CPQ: variants seen among roughly 807,000 people sequenced by gnomAD.
The protein encoded by CPQ is Ser-Met dipeptidase.
CPQ carries 37 observed loss-of-function variants against 45.7 expected under a neutral mutation model. The observed-to-expected ratio is 0.81, with a 90% CI of 0.62 to 1.07. CPQ has a LOEUF of 1.07. Among genes scored for constraint, CPQ ranks in the 50% least tolerant of loss-of-function variants. The pLI, the probability that CPQ is intolerant of heterozygous loss-of-function variation, is 0.00. For synonymous variants in CPQ, 186 were observed against 205.8 expected (o/e 0.90, Z 0.82); for missense variants, 537 against 572.9 (o/e 0.94, Z 0.64).
intron 4 of CPQ, among the ~76,000 whole-genome samples, chr8:96,896,404 G>C (rs1044720102): frequency 6.6e-6 from 1 of 152,004 alleles, no homozygotes; most frequent in East Asian, 1.9e-4. Flanking sequence ...CTATTTTCTA[G>C]AGTCTTTTCC....
intron 4 of CPQ, among the ~76,000 whole-genome samples, chr8:96,959,891 C>CAAAAAA (rs540520742): frequency 8.7e-5 from 7 of 80,518 alleles, no homozygotes; most frequent in East Asian, 3.3e-4. Flanking sequence ...ATCACAAAAG[C>CAAAAAA]AAAAAAAAAA....
chr8:96,745,630 G>C (rs1810169682), intron 1 of CPQ, among the ~76,000 whole-genome samples: 1 of 152,142 alleles, frequency 6.6e-6, no homozygotes, highest in Non-Finnish European at 1.5e-5. Flanking sequence ...GAAGATACTT[G>C]AAGTCAAACA....
chr8:96,966,952 T>C (rs909194899), intron 5 of CPQ, among the ~76,000 whole-genome samples: 15 of 152,218 alleles, frequency 9.9e-5, no homozygotes, highest in African/African-American at 3.6e-4. Flanking sequence ...CATACACACA[T>C]AGTTATCAAT....
chr8:97,109,795 T>C (rs571765896), intron 7 of CPQ, among the ~76,000 whole-genome samples: 1 of 152,214 alleles, frequency 6.6e-6, no homozygotes, highest in African/African-American at 2.4e-5. Context: ...CTTTCTGGCT[T>C]TACCTCCATT....
intron 3 of CPQ, among the ~76,000 whole-genome samples, chr8:96,859,110 A>G (rs978714357): frequency 6.6e-6 from 1 of 152,202 alleles, no homozygotes. Flanking sequence ...TTCCTCTACT[A>G]GGCAGATCAG....
intron 1 of CPQ, among the ~76,000 whole-genome samples, chr8:96,783,310 GGA>G (rs1184344040): frequency 6.6e-6 from 1 of 151,294 alleles, no homozygotes; most frequent in Non-Finnish European, 1.5e-5. Flanking sequence ...TACCACAGAC[GGA>G]GTAATTTATA....
At chr8:96,747,789 A>G (rs1248837071) in intron 1 of CPQ, among the ~76,000 whole-genome samples, 1 of 152,148 alleles carries the variant, frequency 6.6e-6, no homozygotes, top group Admixed American at 6.6e-5. Context: ...AAAAGTTGAG[A>G]TGCTGGACTC....
chr8:96,948,008 A>C (rs1813213171), intron 4 of CPQ, among the ~76,000 whole-genome samples: 2 of 151,924 alleles, frequency 1.3e-5, no homozygotes, highest in South Asian at 4.2e-4. Flanking sequence ...CAACCAAAAC[A>C]AGACACGCAG....
intron 3 of CPQ, among the ~76,000 whole-genome samples, chr8:96,872,447 A>G (rs1812084397): frequency 6.6e-6 from 1 of 151,952 alleles, no homozygotes; most frequent in Non-Finnish European, 1.5e-5. Context: ...ATACGGTACC[A>G]GATTTTTATT....
intron 1 of CPQ, among the ~76,000 whole-genome samples, chr8:96,759,840 CA>C (rs1225092154): frequency 6.6e-6 from 1 of 152,130 alleles, no homozygotes; most frequent in Non-Finnish European, 1.5e-5. Flanking sequence ...TGCATCATGC[CA>C]GCTACTATAT....
chr8:96,881,259 G>C (rs1197013873), intron 4 of CPQ, among the ~76,000 whole-genome samples: 1 of 152,166 alleles, frequency 6.6e-6, no homozygotes, highest in Non-Finnish European at 1.5e-5. Context: ...GGCTGTACAG[G>C]AAGCATGGCG....
At chr8:96,833,402 T>C (rs1451566606) in intron 2 of CPQ, among the ~76,000 whole-genome samples, 1 of 152,198 alleles carries the variant, frequency 6.6e-6, no homozygotes, top group East Asian at 1.9e-4. Flanking sequence ...TGAAAATTTA[T>C]AGAAATTTGG....
intron 3 of CPQ, among the ~76,000 whole-genome samples, chr8:96,864,450 T>A (rs1285392050): frequency 6.6e-6 from 1 of 151,974 alleles, no homozygotes; most frequent in African/African-American, 2.4e-5. Flanking sequence ...GATGATGATT[T>A]ATGTGGACTC....
chr8:96,781,678 C>T (rs1431917933), intron 1 of CPQ, among the ~76,000 whole-genome samples: 1 of 152,172 alleles, frequency 6.6e-6, no homozygotes, highest in Non-Finnish European at 1.5e-5. Flanking sequence ...CCTTCCAGCA[C>T]CAACTCAAAA....
chr8:96,945,458 G>C (rs1202866942), intron 4 of CPQ, among the ~76,000 whole-genome samples: 1 of 152,074 alleles, frequency 6.6e-6, no homozygotes, highest in Admixed American at 6.6e-5. Context: ...GATCTTAGCT[G>C]ATATCTTTAA....
intron 4 of CPQ, among the ~76,000 whole-genome samples, chr8:96,958,985 A>G (rs1813405029): frequency 6.6e-6 from 1 of 151,852 alleles, no homozygotes; most frequent in Non-Finnish European, 1.5e-5. Context: ...GTTGCCTCTG[A>G]ACACACCCTG....
chr8:96,916,855 T>C (rs566915776), intron 4 of CPQ, among the ~76,000 whole-genome samples: 1 of 152,194 alleles, frequency 6.6e-6, no homozygotes, highest in African/African-American at 2.4e-5. Flanking sequence ...TTGAGATTTG[T>C]CATATGTTTT....
At chr8:97,112,403 A>C (rs1811513003) in intron 7 of CPQ, among the ~76,000 whole-genome samples, 1 of 152,186 alleles carries the variant, frequency 6.6e-6, no homozygotes, top group African/African-American at 2.4e-5. Flanking sequence ...CTGACCCATA[A>C]GCTGATGAGA....
chr8:96,884,482 A>G (rs541949440), intron 4 of CPQ, among the ~76,000 whole-genome samples: 1 of 152,308 alleles, frequency 6.6e-6, no homozygotes, highest in South Asian at 2.1e-4. Flanking sequence ...TGTGATGAAG[A>G]TAAATGCTGA....
Sources: allele counts gnomAD v4.1 joint callset (sites outside exome capture counted in the v4.1 genomes callset), GRCh38; gene constraint gnomAD v4.1.1; transcripts MANE v1.5; gene names NCBI Gene and HGNC (gene_info 2026-07-23, HGNC 2026-07-21).